The following DNAAF11 variants were observed in gnomAD, a reference collection of about 807,000 sequenced individuals.
The protein encoded by DNAAF11 is dynein axonemal assembly factor 11, also known as leucine rich repeat containing 6.
Under a neutral mutation model 60.8 loss-of-function variants are expected in DNAAF11, and 45 were observed. That is an observed-to-expected ratio of 0.74 (90% confidence interval 0.58 to 0.95). DNAAF11 has a LOEUF of 0.95. Ranked by LOEUF, DNAAF11 falls within the 40% of genes least tolerant of loss-of-function variation. The pLI is 0.00. For missense variants in DNAAF11, 546 were observed against 546.2 expected, an observed-to-expected ratio of 1.00 and a Z score of 0.00; for synonymous variants, 191 against 183.5, an observed-to-expected ratio of 1.04 and a Z score of -0.33.
At chr8:132,607,003 T>C (rs1413178715) in intron 10 of DNAAF11, among the ~76,000 whole-genome samples, 1 of 152,210 alleles carries the variant, frequency 6.6e-6, no homozygotes, top group African/African-American at 2.4e-5. Context: ...AAAATAAATT[T>C]AGTGTAGCCT....
chr8:132,675,321 G>A, intron 1 of DNAAF11, 163 bp downstream of exon 1: 2 of 671,182 alleles, frequency 3.0e-6, no homozygotes, highest in Non-Finnish European at 2.5e-6. Context: ...AGAGGACCTG[G>A]TGCAGCCGGG....
chr8:132,593,116 T>C, intron 10 of DNAAF11, among the ~76,000 whole-genome samples: 1 of 151,220 alleles, frequency 6.6e-6, no homozygotes, highest in Non-Finnish European at 1.5e-5. Flanking sequence ...TGCAAAAGAA[T>C]GGACAGAAAG....
chr8:132,636,888 T>C (rs976746688), intron 4 of DNAAF11, among the ~76,000 whole-genome samples: 2 of 152,228 alleles, frequency 1.3e-5, no homozygotes, highest in East Asian at 1.9e-4. Context: ...CAGCAGTCTC[T>C]TGACTGCAGA....
intron 4 of DNAAF11, 41 bp from the exon 5 acceptor site, chr8:132,633,004 TAGC>T (rs773279975): frequency 1.7e-5 from 25 of 1,429,234 alleles, no homozygotes; most frequent in Non-Finnish European, 2.4e-5. Context: ...TGTTCAAAAG[TAGC>T]AGTGTGAATC....
At chr8:132,583,632 C>T in intron 11 of DNAAF11, 62 bp downstream of exon 11, 1 of 1,332,190 alleles carries the variant, frequency 7.5e-7, no homozygotes, top group South Asian at 1.2e-5. Flanking sequence ...TGCATTCCAA[C>T]CAACAAATGA....
chr8:132,612,147 G>A (rs1241231544), intron 8 of DNAAF11, among the ~76,000 whole-genome samples: 2 of 152,002 alleles, frequency 1.3e-5, no homozygotes, highest in Non-Finnish European at 2.9e-5. Context: ...TTATTACCTG[G>A]GACCACATTC....
At chr8:132,671,463 G>A (rs916597663) in intron 1 of DNAAF11, among the ~76,000 whole-genome samples, 4 of 152,014 alleles carry the variant, frequency 2.6e-5, no homozygotes, top group Admixed American at 2.6e-4. Context: ...TCCCCAAATC[G>A]AGCTACAGAT....
In DNAAF11 at chr8:132,629,620, T is replaced by G. The variant is rs1011280016; in HGVS notation, c.653+3120A>C. On this transcript the variant is annotated intron_variant, in intron 5 of 11. Coordinates refer to ENST00000620350, the MANE Select transcript of DNAAF11 (RefSeq NM_012472.6). ...TCTCAGCCTCCCAAAGTGCTGAGATTACAGGCATGAGCCACTGCGCCCGGC... is the reference window on the plus strand; with the variant it reads ...TCTCAGCCTCCCAAAGTGCTGAGATGACAGGCATGAGCCACTGCGCCCGGC... 2.0e-5 allele frequency among the ~76,000 whole-genome samples: 3 copies of G among 152,282 alleles called. No homozygotes were observed. The East Asian group carries it at 5.8e-4, about 29-fold the overall frequency.
chr8:132,669,365 G>A (rs1448666512), intron 1 of DNAAF11, among the ~76,000 whole-genome samples: 3 of 152,208 alleles, frequency 2.0e-5, no homozygotes, highest in Non-Finnish European at 4.4e-5. Context: ...ATAGTGCCTG[G>A]CCCAAGGCAG....
intron 1 of DNAAF11, among the ~76,000 whole-genome samples, chr8:132,670,734 C>T (rs1470199244): frequency 3.3e-5 from 5 of 151,976 alleles, no homozygotes; most frequent in African/African-American, 1.2e-4. Context: ...AAATCAAATC[C>T]AACAACATAA....
At chr8:132,698,845 C>T in the DNAAF11 span, among the ~76,000 whole-genome samples, 1 of 151,826 alleles carries the variant, frequency 6.6e-6, no homozygotes, top group Admixed American at 6.6e-5. Flanking sequence ...ACTTGGGAGG[C>T]CGAGGCGGGC....
In DNAAF11 at chr8:132,572,297, C is replaced by A; in HGVS notation, c.*9G>T. On this transcript the variant is annotated 3_prime_UTR_variant, in exon 12 of 12. Coordinates refer to ENST00000620350, the MANE Select transcript of DNAAF11 (RefSeq NM_012472.6). ...TGGGTCTCAGCCAATGGCAACGCAG[C>A]CAGATGTTTCAAATCAGCGGAGGCA... The A allele has an allele frequency of 6.2e-7, 1 of 1,610,666 alleles. No individual in the cohort carries two copies. The highest frequency in any genetic ancestry group is 8.5e-7 in the Non-Finnish European group (1 of 1,178,560).
Position 132,661,565 on chromosome 8 carries a change from C to T in DNAAF11, c.73G>A (p.Glu25Lys). Residue 25 changes from glutamate (E) to lysine (K), a missense_variant, in exon 2 of 12, where the codon GAA becomes AAA. By Grantham distance (56) the Glu-to-Lys change is moderately conservative. Coordinates refer to ENST00000620350, the MANE Select transcript of DNAAF11 (RefSeq NM_012472.6). ...ATTTCTTGCTGATGCAACGAGAGTTCCTCCAGGGAAAAAATGACACAGTCG... is the reference window on the plus strand; with the variant it reads ...ATTTCTTGCTGATGCAACGAGAGTTTCTCCAGGGAAAAAATGACACAGTCG... ...HNDCVIFSLE[E>K]LSLHQQEIER... 6.2e-7 allele frequency: 1 copy of T among 1,613,978 alleles called. No individual in the cohort carries two copies. The highest frequency in any genetic ancestry group is 8.5e-7 in the Non-Finnish European group (1 of 1,179,922).
chr8:132,698,723 C>T, the DNAAF11 span, among the ~76,000 whole-genome samples: 1 of 151,902 alleles, frequency 6.6e-6, no homozygotes, highest in Non-Finnish European at 1.5e-5. Flanking sequence ...AAAAATAGGG[C>T]AGAACAGAGA....
At chr8:132,609,055 C>T (rs1818389114) in intron 10 of DNAAF11, among the ~76,000 whole-genome samples, 3 of 152,192 alleles carry the variant, frequency 2.0e-5, no homozygotes, top group Non-Finnish European at 4.4e-5. Flanking sequence ...GGTTTATCTA[C>T]TCTTCCCCTT....
At chr8:132,576,429 A>G (rs1485377042) in intron 11 of DNAAF11, among the ~76,000 whole-genome samples, 1 of 152,182 alleles carries the variant, frequency 6.6e-6, no homozygotes, top group Non-Finnish European at 1.5e-5. Context: ...TATTAGCAAA[A>G]AGAGATGTTA....
chr8:132,667,039 C>T (rs973194050), intron 1 of DNAAF11, among the ~76,000 whole-genome samples: 4 of 152,150 alleles, frequency 2.6e-5, no homozygotes, highest in Non-Finnish European at 5.9e-5. Context: ...GGCTACAGCA[C>T]AGCACTGAAG....
chr8:132,594,020 T>C (rs1196478048), intron 10 of DNAAF11, among the ~76,000 whole-genome samples: 1 of 151,896 alleles, frequency 6.6e-6, no homozygotes, highest in Non-Finnish European at 1.5e-5. Context: ...AAAATAGAAA[T>C]AAAATAACAT....
intron 10 of DNAAF11, among the ~76,000 whole-genome samples, chr8:132,594,696 T>C (rs921316657): frequency 1.7e-4 from 26 of 152,130 alleles, no homozygotes; most frequent in Non-Finnish European, 2.8e-4. Context: ...CCCTCTTCAC[T>C]TCCTTCACAG....
Sources: allele counts gnomAD v4.1 joint callset (sites outside exome capture counted in the v4.1 genomes callset), GRCh38; gene constraint gnomAD v4.1.1; transcripts MANE v1.5; gene names NCBI Gene and HGNC (gene_info 2026-07-23, HGNC 2026-07-21).